The following MIA2 variants were observed in gnomAD, a reference collection of about 807,000 sequenced individuals.
MIA2 encodes MIA SH3 domain ER export factor 2, also known as melanoma inhibitory activity protein 2.
Under a neutral mutation model 167.8 loss-of-function variants are expected in MIA2, and 127 were observed. That is an observed-to-expected ratio of 0.76 (90% CI 0.66 to 0.88). The LOEUF (loss-of-function observed/expected upper bound fraction) is 0.88. MIA2 is among the 40% of genes least tolerant of loss of function. The probability of loss-of-function intolerance (pLI) is 0.00; values close to 1 mark genes in which losing one functional copy is unlikely to be tolerated. For missense variants in MIA2, 1,690 were observed against 1,624.7 expected, an observed-to-expected ratio of 1.04 and a Z score of -0.69; for synonymous variants, 552 against 541.9, an observed-to-expected ratio of 1.02 and a Z score of -0.26.
intron 6 of MIA2, among the ~76,000 whole-genome samples, chr14:39,258,159 G>A (rs930128317): frequency 6.6e-6 from 1 of 152,102 alleles, no homozygotes; most frequent in Non-Finnish European, 1.5e-5. Flanking sequence ...AGTTCTCCTG[G>A]ATAATATCTG....
chr14:39,384,338 T>C (rs1259600884), intron 23 of MIA2, among the ~76,000 whole-genome samples: 2 of 152,064 alleles, frequency 1.3e-5, no homozygotes, highest in Non-Finnish European at 2.9e-5. Flanking sequence ...GACCTACTGC[T>C]CAGAAAAAGG....
intron 9 of MIA2, among the ~76,000 whole-genome samples, chr14:39,281,332 TTA>T (rs1399224529): frequency 1.3e-5 from 2 of 152,200 alleles, no homozygotes; most frequent in African/African-American, 4.8e-5. Flanking sequence ...TAACTTTTTA[TTA>T]TATCTCATCT....
chr14:39,266,612 T>C (rs2055691849), intron 6 of MIA2: 1 of 985,380 alleles, frequency 1.0e-6, no homozygotes, highest in African/African-American at 1.7e-5. Context: ...GACGCCTTCC[T>C]GTCTAAAGTC....
intron 23 of MIA2, among the ~76,000 whole-genome samples, chr14:39,359,596 C>G (rs1369230358): frequency 6.6e-6 from 1 of 152,152 alleles, no homozygotes; most frequent in Non-Finnish European, 1.5e-5. Context: ...TGAGATGAAC[C>G]CGGTACCTCT....
At chr14:39,270,759 A>G (rs1041029193) in intron 6 of MIA2, among the ~76,000 whole-genome samples, 1 of 152,062 alleles carries the variant, frequency 6.6e-6, no homozygotes, top group African/African-American at 2.4e-5. Context: ...TATTGTTTAT[A>G]TCTTCTTTGG....
At chr14:39,293,540 C>T (rs1399604448) in intron 11 of MIA2, among the ~76,000 whole-genome samples, 159 bp downstream of exon 11, 1 of 152,144 alleles carries the variant, frequency 6.6e-6, no homozygotes, top group East Asian at 1.9e-4. Flanking sequence ...CTTTTCACTT[C>T]CCCCAGATGT....
intron 25 of MIA2, among the ~76,000 whole-genome samples, chr14:39,339,623 A>T (rs1029774939): frequency 6.6e-6 from 1 of 152,164 alleles, no homozygotes; most frequent in Non-Finnish European, 1.5e-5. Flanking sequence ...ATGATGAGTT[A>T]ATATAATGAA....
chr14:39,357,008 C>T (rs1165642105), intron 23 of MIA2, among the ~76,000 whole-genome samples: 2 of 152,058 alleles, frequency 1.3e-5, no homozygotes, highest in African/African-American at 4.8e-5. Context: ...TGGTGTGGTG[C>T]TGAGAAGAAT....
chr14:39,335,484 C>T (rs1036884770), intron 25 of MIA2, among the ~76,000 whole-genome samples: 3 of 152,128 alleles, frequency 2.0e-5, no homozygotes, highest in Non-Finnish European at 4.4e-5. Flanking sequence ...TTTATTTTTG[C>T]ACCGTTAAAT....
At position 39,350,176 on chromosome 14, in the gene MIA2, C is replaced by T; in HGVS notation, c.4151C>T (p.Ser1384Phe). 2 of 1,440,992 alleles carry T rather than the reference C, an allele frequency of 1.4e-6. No individual in the cohort carries two copies. The highest frequency in any genetic ancestry group is 2.7e-5 in the East Asian group (1 of 37,314). The allele number at this position is 1,440,992 out of a possible 1,614,324, so 89.3% of individuals were successfully genotyped here. Residue 1384 changes from serine to phenylalanine, a missense_variant, in exon 29 of 29, where the codon TCT becomes TTT. Ser to Phe is a radical substitution (Grantham distance 155). Coordinates refer to ENST00000640607, the MANE Select transcript of MIA2 (RefSeq NM_001329214.4). ...GGATTTTTCCCCCCACCCCCACATT[C>T]TGAAGGTAGAAGTGAGTTCCCCTCA... is the stretch of plus-strand genomic sequence containing the variant. ...RPGFFPPPPHSEGRSEFPSGL... is the reference protein window; with the variant it reads ...RPGFFPPPPHFEGRSEFPSGL...
At chr14:39,367,114 C>T (rs2074838285) in intron 23 of MIA2, among the ~76,000 whole-genome samples, 1 of 152,164 alleles carries the variant, frequency 6.6e-6, no homozygotes, top group Admixed American at 6.5e-5. Flanking sequence ...AGGCAGGTTT[C>T]AGGCTCTGGG....
intron 23 of MIA2, among the ~76,000 whole-genome samples, chr14:39,369,300 G>C (rs1242650052): frequency 1.3e-5 from 2 of 152,210 alleles, no homozygotes; most frequent in African/African-American, 4.8e-5. Flanking sequence ...GCTTGTTCCA[G>C]TTTAATTTCT....
At chr14:39,235,310 C>T (rs2053684138) in intron 1 of MIA2, among the ~76,000 whole-genome samples, 1 of 151,988 alleles carries the variant, frequency 6.6e-6, no homozygotes, top group African/African-American at 2.4e-5. Context: ...GCATAAGCCA[C>T]CATGCCCAGC....
At chr14:39,332,435 A>C (rs1384269743) in intron 25 of MIA2, among the ~76,000 whole-genome samples, 1 of 152,116 alleles carries the variant, frequency 6.6e-6, no homozygotes, top group Non-Finnish European at 1.5e-5. Flanking sequence ...TCTGAAGCCT[A>C]CTTCTGTCCA....
At chr14:39,341,710 C>CA (rs1165214252) in intron 25 of MIA2, among the ~76,000 whole-genome samples, 1 of 152,002 alleles carries the variant, frequency 6.6e-6, no homozygotes, top group Non-Finnish European at 1.5e-5. Context: ...TGGAAGAACT[C>CA]AAACATTAGT....
At chr14:39,300,561 T>C (rs950650765) in intron 14 of MIA2, among the ~76,000 whole-genome samples, 5 of 151,308 alleles carry the variant, frequency 3.3e-5, no homozygotes, top group Non-Finnish European at 5.9e-5. Context: ...TACACAGTGA[T>C]GTGGATGTTG....
intron 2 of MIA2, among the ~76,000 whole-genome samples, chr14:39,238,798 A>AAAAAAAAAAAAAAAAAAAAAAAAAAC (rs2053896673): frequency 6.9e-6 from 1 of 144,772 alleles, no homozygotes; most frequent in Non-Finnish European, 1.5e-5. Flanking sequence ...TGTCTCAAAA[A>AAAAAAAAAAAAAAAAAAAAAAAAAAC]AAAAAAAAAA....
intron 24 of MIA2, among the ~76,000 whole-genome samples, chr14:39,324,013 T>C (rs1218058231): frequency 6.6e-6 from 1 of 152,234 alleles, no homozygotes; most frequent in African/African-American, 2.4e-5. Context: ...TTATTTTTCC[T>C]TACTTTTATT....
downstream of MIA2, among the ~76,000 whole-genome samples, chr14:39,353,560 A>T (rs1007061446): frequency 1.3e-5 from 2 of 152,088 alleles, no homozygotes. Flanking sequence ...CTTTGTGTAT[A>T]TATACCACAT....
Sources: allele counts gnomAD v4.1 joint callset (sites outside exome capture counted in the v4.1 genomes callset), GRCh38; gene constraint gnomAD v4.1.1; transcripts MANE v1.5; gene names NCBI Gene and HGNC (gene_info 2026-07-23, HGNC 2026-07-21).